The following TAF3 variants were observed in gnomAD, a reference collection of about 807,000 sequenced individuals.
The protein encoded by TAF3 is transcription initiation factor TFIID subunit 3.
Under a neutral mutation model 80.6 loss-of-function variants are expected in TAF3, and 7 were observed. That is an observed-to-expected ratio of 0.09 (90% CI 0.05 to 0.16). The LOEUF (loss-of-function observed/expected upper bound fraction) is 0.16. Among genes scored for constraint, TAF3 ranks in the 10% least tolerant of loss-of-function variants. The pLI, the probability that TAF3 is intolerant of heterozygous loss-of-function variation, is 1.00. For missense variants in TAF3, 921 were observed against 1,140.2 expected, an observed-to-expected ratio of 0.81 and a Z score of 2.77; for synonymous variants, 444 against 446.1, an observed-to-expected ratio of 1.00 and a Z score of 0.06.
chr10:7,932,501 T>A, intron 2 of TAF3, among the ~76,000 whole-genome samples: 1 of 152,188 alleles, frequency 6.6e-6, no homozygotes, highest in Non-Finnish European at 1.5e-5. Flanking sequence ...AGAGATTGAT[T>A]ATGAGTCTGG....
chr10:7,913,006 A>G (rs1397851984), intron 2 of TAF3, among the ~76,000 whole-genome samples: 1 of 152,174 alleles, frequency 6.6e-6, no homozygotes, highest in Non-Finnish European at 1.5e-5. Flanking sequence ...CCGAGGGGTC[A>G]GCAGGTTTGG....
chr10:7,978,852 C>T (rs1405337760), intron 4 of TAF3, among the ~76,000 whole-genome samples: 1 of 152,242 alleles, frequency 6.6e-6, no homozygotes, highest in African/African-American at 2.4e-5. Flanking sequence ...TTGGCTTGCT[C>T]ATACCCTTTA....
At chr10:7,948,375 C>T (rs1387085464) in intron 2 of TAF3, among the ~76,000 whole-genome samples, 2 of 152,016 alleles carry the variant, frequency 1.3e-5, no homozygotes, top group Non-Finnish European at 2.9e-5. Flanking sequence ...AGGCATGAAC[C>T]AGTGCGCCCA....
At chr10:7,827,761 C>T (rs1301110631) in intron 2 of TAF3, among the ~76,000 whole-genome samples, 9 of 147,962 alleles carry the variant, frequency 6.1e-5, no homozygotes, top group East Asian at 2.0e-4. Flanking sequence ...GCCTGGGTGA[C>T]GGAGCGAGAC....
intron 4 of TAF3, among the ~76,000 whole-genome samples, chr10:7,998,257 A>G (rs1477298312): frequency 1.0e-5 from 1 of 99,472 alleles, no homozygotes; most frequent in African/African-American, 3.8e-5. Flanking sequence ...ATATATATAT[A>G]TATATATGTA....
chr10:7,868,717 A>G (rs1440251508), intron 2 of TAF3, among the ~76,000 whole-genome samples: 1 of 152,244 alleles, frequency 6.6e-6, no homozygotes, highest in Non-Finnish European at 1.5e-5. Context: ...GTGATCATCT[A>G]TATAAAGATC....
chr10:7,847,396 T>C (rs559909875), intron 2 of TAF3, among the ~76,000 whole-genome samples: 1 of 152,332 alleles, frequency 6.6e-6, no homozygotes, highest in East Asian at 1.9e-4. Context: ...TTTAAAAATA[T>C]TTTATGCTGT....
chr10:7,905,077 TAGG>T (rs1837594799), intron 2 of TAF3, among the ~76,000 whole-genome samples: 1 of 152,030 alleles, frequency 6.6e-6, no homozygotes, highest in Admixed American at 6.6e-5. Flanking sequence ...CTCCAAGTAG[TAGG>T]AGGGCATTTT....
At chr10:7,913,969 T>TAA (rs1837681073) in intron 2 of TAF3, among the ~76,000 whole-genome samples, 1 of 152,104 alleles carries the variant, frequency 6.6e-6, no homozygotes, top group East Asian at 1.9e-4. Flanking sequence ...ATCAGTGGCA[T>TAA]GAAAAAAAGA....
intron 2 of TAF3, among the ~76,000 whole-genome samples, chr10:7,948,357 G>A (rs1022879609): frequency 6.6e-6 from 1 of 150,994 alleles, no homozygotes; most frequent in African/African-American, 2.4e-5. Context: ...TTAAAGTGTT[G>A]GGATTACAGG....
At chr10:7,865,462 G>A (rs1341219578) in intron 2 of TAF3, among the ~76,000 whole-genome samples, 2 of 150,842 alleles carry the variant, frequency 1.3e-5, no homozygotes, top group Non-Finnish European at 3.0e-5. Context: ...CTGGGGGACA[G>A]AGTGAGACTC....
chr10:7,932,948 A>G (rs1381819624), intron 2 of TAF3, among the ~76,000 whole-genome samples: 2 of 152,018 alleles, frequency 1.3e-5, no homozygotes, highest in Non-Finnish European at 2.9e-5. Context: ...CCAAAGTGCT[A>G]GGGTTACAGG....
chr10:7,843,917 G>A (rs889585167), intron 2 of TAF3, among the ~76,000 whole-genome samples: 68 of 152,060 alleles, frequency 4.5e-4, no homozygotes, highest in Middle Eastern at 3.4e-3. Context: ...AAAACGGACT[G>A]TTTTATATGG....
At chr10:7,850,482 C>T (rs943428327) in intron 2 of TAF3, among the ~76,000 whole-genome samples, 1 of 152,054 alleles carries the variant, frequency 6.6e-6, no homozygotes, top group Admixed American at 6.5e-5. Context: ...TTGAGACCAG[C>T]CTGGCCAACA....
At chr10:7,901,333 A>G (rs1168249394) in intron 2 of TAF3, among the ~76,000 whole-genome samples, 1 of 152,248 alleles carries the variant, frequency 6.6e-6, no homozygotes, top group Non-Finnish European at 1.5e-5. Context: ...AAATGAAGTT[A>G]ATTACCCACA....
At chr10:7,863,650 C>CACACACACACATATATAT (rs1837173835) in intron 2 of TAF3, among the ~76,000 whole-genome samples, 1 of 93,682 alleles carries the variant, frequency 1.1e-5, no homozygotes, top group East Asian at 4.1e-4. Flanking sequence ...TATATATACA[C>CACACACACACATATATAT]ACACACATAT....
intron 2 of TAF3, among the ~76,000 whole-genome samples, chr10:7,951,117 G>A (rs776647063): frequency 2.6e-5 from 4 of 152,192 alleles, no homozygotes; most frequent in Non-Finnish European, 4.4e-5. Flanking sequence ...GAACCTAACC[G>A]TGTATTTCTC....
intron 4 of TAF3, among the ~76,000 whole-genome samples, chr10:7,978,852 C>G (rs1405337760): frequency 6.6e-6 from 1 of 152,242 alleles, no homozygotes; most frequent in South Asian, 2.1e-4. Flanking sequence ...TTGGCTTGCT[C>G]ATACCCTTTA....
At chr10:7,880,113 C>T (rs1303096016) in intron 2 of TAF3, among the ~76,000 whole-genome samples, 1 of 152,110 alleles carries the variant, frequency 6.6e-6, no homozygotes, top group Admixed American at 6.5e-5. Context: ...GTGGCATGCA[C>T]CTGTAATCTC....
Sources: allele counts gnomAD v4.1 joint callset (sites outside exome capture counted in the v4.1 genomes callset), GRCh38; gene constraint gnomAD v4.1.1; transcripts MANE v1.5; gene names NCBI Gene and HGNC (gene_info 2026-07-23, HGNC 2026-07-21).